Variants in ZFP14 observed in about 807,000 individuals in gnomAD.
ZFP14 encodes zinc finger protein 14 homolog.
In ZFP14, 22 loss-of-function variants were observed where a neutral mutation model predicts 54.5. The ratio of observed to expected loss-of-function variants is 0.40; its 90% CI spans 0.29 to 0.58. The LOEUF (loss-of-function observed/expected upper bound fraction) is 0.58. Ranked by LOEUF, ZFP14 falls within the 20% of genes least tolerant of loss-of-function variation. ZFP14 has a pLI of 0.39. For missense variants in ZFP14, 470 were observed against 637.8 expected (o/e 0.74, Z 2.83); for synonymous variants, 159 against 204.0 (o/e 0.78, Z 1.88).
chr19:36,356,389 C>T (rs1476127623), intron 4 of ZFP14, among the ~76,000 whole-genome samples: 1 of 151,334 alleles, frequency 6.6e-6, no homozygotes, highest in Non-Finnish European at 1.5e-5. Flanking sequence ...GATCCCGCCA[C>T]TGCACTCCAG....
chr19:36,359,493 T>C (rs2031674246), intron 4 of ZFP14, among the ~76,000 whole-genome samples: 1 of 152,208 alleles, frequency 6.6e-6, no homozygotes, highest in African/African-American at 2.4e-5. Context: ...AGGTTTCTGA[T>C]AATGAATTCA....
At position 36,367,756 on chromosome 19, in the gene ZFP14, G is replaced by A. The variant is rs145255197; in HGVS notation, c.9+128C>T. On this transcript the variant is annotated intron_variant, in intron 2 of 4. Transcript: ENST00000270001. ...TGGGATTACAGGCGTGAGCCATTGCGTCCAGCCATGGAGCAGGTTCTTGGA... is the reference window on the plus strand; with the variant it reads ...TGGGATTACAGGCGTGAGCCATTGCATCCAGCCATGGAGCAGGTTCTTGGA... 1.2e-3 allele frequency: 1,334 copies of A among 1,111,748 alleles called. 17 individuals are homozygous for A. In the East Asian group the frequency reaches 0.021, roughly 17 times the overall value. The allele number at this position is 1,111,748 out of a possible 1,614,324, so 68.9% of individuals were successfully genotyped here. A position where few individuals can be genotyped will look rare whatever the true frequency, so the allele number is the denominator to read the frequency against.
intron 3 of ZFP14, 31 bp from the exon 4 acceptor site, chr19:36,360,564 A>G (rs777625348): frequency 6.3e-7 from 1 of 1,577,500 alleles, no homozygotes; most frequent in Non-Finnish European, 8.7e-7. Context: ...ACATGGAATT[A>G]TACACCAGAA....
intron 2 of ZFP14, among the ~76,000 whole-genome samples, chr19:36,364,134 C>T (rs1242480077): frequency 1.3e-5 from 2 of 152,182 alleles, no homozygotes; most frequent in Non-Finnish European, 2.9e-5. Flanking sequence ...TATTTGCAGT[C>T]CTATTCTGAT....
intron 1 of ZFP14, among the ~76,000 whole-genome samples, chr19:36,371,986 T>G (rs542454100): frequency 6.0e-4 from 62 of 103,472 alleles, no homozygotes; most frequent in African/African-American, 9.1e-4. Context: ...GAAGGAGGGA[T>G]GGAGGGAGGG....
chr19:36,345,722 C>T (rs923498223), intron 4 of ZFP14, among the ~76,000 whole-genome samples: 1 of 152,124 alleles, frequency 6.6e-6, no homozygotes, highest in Non-Finnish European at 1.5e-5. Flanking sequence ...CAAAAGACAT[C>T]TTCACTTCAG....
intron 4 of ZFP14, among the ~76,000 whole-genome samples, chr19:36,350,324 A>G (rs2031503769): frequency 7.0e-6 from 1 of 142,178 alleles, no homozygotes; most frequent in Admixed American, 7.3e-5. Context: ...TTCCTAGCTG[A>G]GCCTAGTGAC....
At chr19:36,347,309 G>A (rs896060926) in intron 4 of ZFP14, among the ~76,000 whole-genome samples, 1 of 152,206 alleles carries the variant, frequency 6.6e-6, no homozygotes, top group Middle Eastern at 3.4e-3. Context: ...TACTAACAAA[G>A]TATAGAAAAA....
intron 1 of ZFP14, among the ~76,000 whole-genome samples, chr19:36,377,287 C>G (rs185854354): frequency 6.6e-5 from 10 of 152,242 alleles, no homozygotes; most frequent in Middle Eastern, 3.4e-3. Context: ...TGGTGGCTCA[C>G]GCCTGTAATC....
intron 1 of ZFP14, among the ~76,000 whole-genome samples, chr19:36,375,937 C>T (rs2031955548): frequency 6.6e-6 from 1 of 152,160 alleles, no homozygotes; most frequent in African/African-American, 2.4e-5. Flanking sequence ...GGGTAATGCA[C>T]CTGCCTTGGC....
Position 36,336,748 on chromosome 19 carries a change from A to G in ZFP14, c.*3476T>C, listed in dbSNP as rs1351511261. On this transcript the variant is annotated 3_prime_UTR_variant, in exon 5 of 5. Coordinates refer to ENST00000270001, the MANE Select transcript of ZFP14 (RefSeq NM_020917.3). ...TTTGTCACTGAACAGAACTTTGATT[A>G]TATCTGACAAGGTTAGATGTGCAGG... The G allele has an allele frequency of 6.6e-6, 1 of 152,240 alleles. No homozygotes were observed. The highest frequency in any genetic ancestry group is 1.9e-4 in the East Asian group (1 of 5,204). 9.4% of individuals were successfully genotyped at this position (152,240 alleles called of 1,614,324 possible).
intron 2 of ZFP14, among the ~76,000 whole-genome samples, chr19:36,365,839 A>G (rs543243521): frequency 1.1e-4 from 16 of 152,116 alleles, no homozygotes; most frequent in Admixed American, 9.2e-4. Context: ...ACGTGCCTGT[A>G]GTCCCCAGTA....
Position 36,339,872 on chromosome 19 carries a change from G to T in ZFP14, c.*352C>A, listed in dbSNP as rs73602365. 1 of 169,522 alleles carries T rather than the reference G, an allele frequency of 5.9e-6. No homozygotes were observed. 10.5% of individuals were successfully genotyped at this position (169,522 alleles called of 1,614,324 possible). ...TACTAAGTCTGTGGTAATTTATTAC[G>T]CAGCAATAAATAACTAATACATATA... On this transcript the variant is annotated 3_prime_UTR_variant, in exon 5 of 5. Coordinates refer to ENST00000270001, the MANE Select transcript of ZFP14 (RefSeq NM_020917.3).
chr19:36,339,872 G>A lies in ZFP14; in HGVS notation c.*352C>T, dbSNP rs73602365. ...TACTAAGTCTGTGGTAATTTATTAC[G>A]CAGCAATAAATAACTAATACATATA... On this transcript the variant is annotated 3_prime_UTR_variant, in exon 5 of 5. Transcript: ENST00000270001. 5,840 of 169,520 alleles carry A rather than the reference G, an allele frequency of 0.034. 334 individuals are homozygous for A. The highest frequency in any genetic ancestry group is 0.13 in the African/African-American group (5,460 of 42,002). The allele number at this position is 169,520 out of a possible 1,614,324, so 10.5% of individuals were successfully genotyped here. A position where few individuals can be genotyped will look rare whatever the true frequency, so the allele number is the denominator to read the frequency against.
chr19:36,347,630 GAA>G (rs1490094062), intron 4 of ZFP14, among the ~76,000 whole-genome samples: 2 of 133,810 alleles, frequency 1.5e-5, no homozygotes, highest in African/African-American at 5.7e-5. Flanking sequence ...AGAAAAGAAA[GAA>G]AAAGAAAAAG....
chr19:36,348,686 G>A (rs185771492), intron 4 of ZFP14, among the ~76,000 whole-genome samples: 20 of 152,184 alleles, frequency 1.3e-4, no homozygotes, highest in African/African-American at 4.8e-4. Flanking sequence ...TGGTAGAGAC[G>A]GTTTCATCAT....
chr19:36,374,845 A>G (rs1439494182), intron 1 of ZFP14, among the ~76,000 whole-genome samples: 8 of 152,302 alleles, frequency 5.3e-5, no homozygotes, highest in South Asian at 2.1e-4. Context: ...ATACCCAAAT[A>G]CTTCAAATAA....
intron 3 of ZFP14, 36 bp downstream of exon 3, chr19:36,362,076 G>A (rs1450873633): frequency 2.6e-6 from 4 of 1,560,602 alleles, no homozygotes; most frequent in East Asian, 2.3e-5. Flanking sequence ...ATTGACAGCA[G>A]AGAAAGCTAA....
rs113461246 is a variant in ZFP14, at chr19:36,350,140, A to AC, written c.236-8551_236-8550insG. On this transcript the variant is annotated intron_variant, in intron 4 of 4. Coordinates refer to ENST00000270001, the MANE Select transcript of ZFP14 (RefSeq NM_020917.3). ...TGTCTCAAAAAAACAAAACAAACAAAAAAAAAAAACAGAAAAGAACATAAA... is the reference window on the plus strand; with the variant it reads ...TGTCTCAAAAAAACAAAACAAACAAACAAAAAAAAACAGAAAAGAACATAAA... 6.4e-5 allele frequency among the ~76,000 whole-genome samples: 9 copies of AC among 141,706 alleles called. 1 individual carries two copies. The highest frequency in any genetic ancestry group is 6.2e-4 in the East Asian group (3 of 4,822). 93.0% of individuals were successfully genotyped at this position (141,706 alleles called of 152,430 possible).
Sources: gnomAD v4.1 joint callset for allele counts (sites outside exome capture counted in the v4.1 genomes callset) on GRCh38, gnomAD v4.1.1 for gene constraint, MANE v1.5 for transcripts, NCBI Gene and HGNC (gene_info 2026-07-23, HGNC 2026-07-21) for gene names.